FIP1L1: variants seen among roughly 807,000 people sequenced by gnomAD.
FIP1L1 encodes factor interacting with PAPOLA and CPSF1.
A neutral mutation model predicts 84.6 loss-of-function variants in FIP1L1; 21 were observed. That is an observed-to-expected ratio of 0.25 (90% confidence interval 0.18 to 0.36). The LOEUF is 0.36. Among genes scored for constraint, FIP1L1 ranks in the 10% least tolerant of loss-of-function variants. The pLI is 1.00. For synonymous variants in FIP1L1, 263 were observed against 242.3 expected (o/e 1.09, Z -0.80); for missense variants, 526 against 751.1 (o/e 0.70, Z 3.50).
At chr4:53,424,878 A>G (rs1007279332) in intron 11 of FIP1L1, among the ~76,000 whole-genome samples, 2 of 152,150 alleles carry the variant, frequency 1.3e-5, no homozygotes, top group African/African-American at 4.8e-5. Context: ...ACTTTGGACC[A>G]TGGCTTGTCT....
intron 13 of FIP1L1, among the ~76,000 whole-genome samples, chr4:53,429,143 T>C (rs1024011841): frequency 6.6e-5 from 10 of 152,198 alleles, no homozygotes; most frequent in African/African-American, 2.2e-4. Flanking sequence ...CAGCCACTGC[T>C]TCTGTCTTTC....
rs1292164298 is a variant in FIP1L1 at position 53,460,215 on chromosome 4, A to ATGAG, written c.*768_*771dup. ...TTCCAAGGCCCACTGGTGGAGCAGC[A>ATGAG]TGAGTTTTTATACAGTTACTAACGA... On this transcript the variant is annotated 3_prime_UTR_variant, in exon 18 of 18. Transcript: ENST00000337488. 5 of 195,028 alleles carry ATGAG rather than the reference A, an allele frequency of 2.6e-5. No homozygotes were observed. Among genetic ancestry groups the ATGAG allele is most frequent in the South Asian group, 3.8e-4 (2 of 5,222 alleles). The allele number at this position is 195,028 out of a possible 1,614,324, so 12.1% of individuals were successfully genotyped here. A position where few individuals can be genotyped will look rare whatever the true frequency, so the allele number is the denominator to read the frequency against.
chr4:53,380,777 T>G (rs1462290140), intron 3 of FIP1L1, among the ~76,000 whole-genome samples: 1 of 152,202 alleles, frequency 6.6e-6, no homozygotes, highest in African/African-American at 2.4e-5. Context: ...TTGAGATTAG[T>G]TTTAGTTTAT....
At chr4:53,453,846 A>C (rs1157960190) in intron 16 of FIP1L1, among the ~76,000 whole-genome samples, 1 of 152,202 alleles carries the variant, frequency 6.6e-6, no homozygotes, top group Non-Finnish European at 1.5e-5. Context: ...GTGGATTAAA[A>C]ACACTATAGT....
intron 5 of FIP1L1, among the ~76,000 whole-genome samples, chr4:53,386,673 T>C (rs1279668105): frequency 2.0e-5 from 3 of 152,158 alleles, no homozygotes; most frequent in Admixed American, 2.0e-4. Context: ...ATATATTAGA[T>C]GCGTGCCTTG....
rs1284092365 is a variant in FIP1L1 at position 53,460,678 on chromosome 4, G to GTT, written c.*1230_*1231dup. 2.2e-6 allele frequency: 1 copy of GTT among 457,246 alleles called. No individual in the cohort carries two copies. Among genetic ancestry groups the GTT allele is most frequent in the African/African-American group, 2.1e-5 (1 of 48,474 alleles). 28.3% of individuals were successfully genotyped at this position (457,246 alleles called of 1,614,324 possible). ...ATTGAATAGAAAAAATATAAACAAT[G>GTT]TTGTAGAGTAATGAGAAATCCTCCA... On this transcript the variant is annotated 3_prime_UTR_variant, in exon 18 of 18. Transcript: ENST00000337488.
intron 1 of FIP1L1, chr4:53,378,170 G>C: frequency 2.7e-6 from 1 of 370,944 alleles, no homozygotes; most frequent in Admixed American, 4.7e-5. Flanking sequence ...GGCTGTGACC[G>C]GTCCTGGCCC....
Position 53,459,929 on chromosome 4 carries a change from T to TAA in FIP1L1, c.*480_*481insAA, listed in dbSNP as rs1721518390. ...GTATATTAAGAGACTCATACATTTTTGATATCACAACTTTTTGATGGCTTT... is the reference window on the plus strand; with the variant it reads ...GTATATTAAGAGACTCATACATTTTTAAGATATCACAACTTTTTGATGGCTTT... On this transcript the variant is annotated 3_prime_UTR_variant, in exon 18 of 18. Coordinates refer to ENST00000337488, the MANE Select transcript of FIP1L1 (RefSeq NM_030917.4). 4.6e-6 allele frequency: 1 copy of TAA among 218,488 alleles called. No homozygotes were observed. Among genetic ancestry groups the TAA allele is most frequent in the Non-Finnish European group, 9.2e-6 (1 of 108,736 alleles). 13.5% of individuals were successfully genotyped at this position (218,488 alleles called of 1,614,324 possible). A position where few individuals can be genotyped will look rare whatever the true frequency, so the allele number is the denominator to read the frequency against.
At chr4:53,410,187 G>C (rs1210106151) in intron 10 of FIP1L1, among the ~76,000 whole-genome samples, 1 of 152,220 alleles carries the variant, frequency 6.6e-6, no homozygotes, top group African/African-American at 2.4e-5. Context: ...TAGAGGAATG[G>C]TTCATTGTTG....
At chr4:53,454,370 CACA>C (rs1164601844) in intron 16 of FIP1L1, among the ~76,000 whole-genome samples, 1 of 152,166 alleles carries the variant, frequency 6.6e-6, no homozygotes, top group Non-Finnish European at 1.5e-5. Flanking sequence ...GTGGTGTTTG[CACA>C]ACAATGAAAT....
At chr4:53,402,426 G>A (rs557489135) in intron 10 of FIP1L1, among the ~76,000 whole-genome samples, 20 of 152,316 alleles carry the variant, frequency 1.3e-4, no homozygotes, top group African/African-American at 4.3e-4. Context: ...TTTTGGCTGG[G>A]CACTGTAGCT....
chr4:53,399,658 T>C, intron 9 of FIP1L1, 72 bp from the exon 10 acceptor site: 1 of 932,156 alleles, frequency 1.1e-6, no homozygotes, highest in Non-Finnish European at 1.7e-6. Flanking sequence ...GTAAACTTAT[T>C]TTAACATCTA....
intron 15 of FIP1L1, among the ~76,000 whole-genome samples, chr4:53,447,536 G>A (rs770294114): frequency 9.2e-5 from 14 of 152,068 alleles, no homozygotes; most frequent in Non-Finnish European, 1.3e-4. Flanking sequence ...AAATCTAAAA[G>A]CTAAACAATA....
chr4:53,424,447 A>G (rs1010720509), intron 11 of FIP1L1, among the ~76,000 whole-genome samples: 29 of 152,132 alleles, frequency 1.9e-4, no homozygotes, highest in Non-Finnish European at 3.4e-4. Context: ...TAATCCTCCA[A>G]TGAAATCATT....
chr4:53,409,388 G>A (rs1489874838), intron 10 of FIP1L1, among the ~76,000 whole-genome samples: 4 of 152,192 alleles, frequency 2.6e-5, no homozygotes, highest in African/African-American at 9.6e-5. Context: ...GGCCATGTGA[G>A]GTGTCAGTCT....
At chr4:53,404,049 G>A (rs956924857) in intron 10 of FIP1L1, among the ~76,000 whole-genome samples, 3 of 150,344 alleles carry the variant, frequency 2.0e-5, no homozygotes, top group African/African-American at 7.3e-5. Context: ...TAGGGTACAT[G>A]TGCACAATGT....
intron 15 of FIP1L1, among the ~76,000 whole-genome samples, chr4:53,444,341 C>T (rs55849034): frequency 0.16 from 23,897 of 152,132 alleles, 2,414 homozygotes; most frequent in Admixed American, 0.26. Flanking sequence ...TTGTACTTTG[C>T]CTTTTCTAAA....
chr4:53,419,838 C>T (rs555760376), intron 11 of FIP1L1, among the ~76,000 whole-genome samples: 1 of 152,220 alleles, frequency 6.6e-6, no homozygotes, highest in African/African-American at 2.4e-5. Flanking sequence ...ATCAGCCAGG[C>T]GCAATGGCTC....
At chr4:53,445,365 TAA>T (rs1219409933) in intron 15 of FIP1L1, among the ~76,000 whole-genome samples, 1 of 152,064 alleles carries the variant, frequency 6.6e-6, no homozygotes, top group Admixed American at 6.5e-5. Context: ...GAGTAAAAAA[TAA>T]TTTTCTCCCT....
Sources: gnomAD v4.1 joint callset for allele counts (sites outside exome capture counted in the v4.1 genomes callset) on GRCh38, gnomAD v4.1.1 for gene constraint, MANE v1.5 for transcripts, NCBI Gene and HGNC (gene_info 2026-07-23, HGNC 2026-07-21) for gene names.